CUTC: variants seen among roughly 807,000 people sequenced by gnomAD.
CUTC encodes copper homeostasis protein cutC homolog.
CUTC carries 27 observed loss-of-function variants against 36.2 expected under a neutral mutation model. The observed-to-expected ratio is 0.75, with a 90% CI of 0.55 to 1.03. CUTC has a LOEUF of 1.03. Ranked by LOEUF, CUTC falls within the 50% of genes least tolerant of loss-of-function variation. CUTC has a pLI of 0.00. For missense variants in CUTC, 315 were observed against 343.5 expected, an observed-to-expected ratio of 0.92 and a Z score of 0.66; for synonymous variants, 114 against 118.3, an observed-to-expected ratio of 0.96 and a Z score of 0.24.
At chr10:99,749,037 G>T (rs566075083) in intron 6 of CUTC, among the ~76,000 whole-genome samples, 3 of 152,256 alleles carry the variant, frequency 2.0e-5, no homozygotes, top group African/African-American at 7.2e-5. Flanking sequence ...TCAGTAAGGA[G>T]TAGCAAATAA....
intron 8 of CUTC, 105 bp downstream of exon 8, chr10:99,754,739 G>T: frequency 1.3e-6 from 1 of 742,904 alleles, no homozygotes; most frequent in South Asian, 1.6e-5. Context: ...ATGGAATATT[G>T]TGACTACTAC....
chr10:99,748,582 G>A (rs1011465313), intron 6 of CUTC, among the ~76,000 whole-genome samples: 6 of 152,178 alleles, frequency 3.9e-5, no homozygotes, highest in Admixed American at 2.0e-4. Context: ...TTCTAATAGA[G>A]CAGGCAATTT....
Position 99,743,275 on chromosome 10 carries a change from G to A in CUTC, c.316G>A (p.Ala106Thr). ...IEVMKADIRL[A>T]KLYGADGLVF... ...GGTGATGAAGGCTGACATTCGTCTT[G>A]CCAAGCTTTATGGTGCTGATGGTTT... Residue 106 changes from alanine (A) to threonine (T), a missense_variant, in exon 4 of 9, where the codon GCC becomes ACC. By Grantham distance (58) the Ala-to-Thr change is moderately conservative (BLOSUM62 0). Transcript: ENST00000370476. 6.2e-7 allele frequency: 1 copy of A among 1,614,138 alleles called. No individual in the cohort carries two copies. Among genetic ancestry groups the A allele is most frequent in the Non-Finnish European group, 8.5e-7 (1 of 1,180,036 alleles).
chr10:99,735,187 AAGGT>A (rs2037286771), intron 1 of CUTC, among the ~76,000 whole-genome samples: 2 of 152,000 alleles, frequency 1.3e-5, no homozygotes, highest in East Asian at 1.9e-4. Flanking sequence ...TAAATAATAA[AAGGT>A]AGAAAGTAAT....
At chr10:99,755,380 G>GAAAAAAAAA (rs386372234) in intron 8 of CUTC, among the ~76,000 whole-genome samples, 1 of 122,008 alleles carries the variant, frequency 8.2e-6, no homozygotes. Context: ...ATTTAAAAAG[G>GAAAAAAAAA]AAAAAAAAAA....
intron 2 of CUTC, among the ~76,000 whole-genome samples, chr10:99,738,272 A>G (rs972060241): frequency 3.9e-5 from 6 of 152,156 alleles, no homozygotes; most frequent in East Asian, 1.9e-4. Context: ...ATTGTTTAAG[A>G]TAAGGTCCCT....
chr10:99,750,023 T>G (rs2037405114), intron 6 of CUTC, among the ~76,000 whole-genome samples: 1 of 152,068 alleles, frequency 6.6e-6, no homozygotes, highest in African/African-American at 2.4e-5. Flanking sequence ...TTTTATCACA[T>G]AAGTACATAT....
chr10:99,746,032 A>T (rs1429994104), intron 5 of CUTC, among the ~76,000 whole-genome samples: 1 of 152,198 alleles, frequency 6.6e-6, no homozygotes, highest in African/African-American at 2.4e-5. Flanking sequence ...GTTTCATTCT[A>T]CCTAGTCCAA....
intron 7 of CUTC, among the ~76,000 whole-genome samples, chr10:99,753,455 G>T (rs147425154): frequency 0.014 from 2,073 of 152,170 alleles, 24 homozygotes; most frequent in Middle Eastern, 0.037. Flanking sequence ...TGTCGCCCAG[G>T]CTATGGTGCA....
intron 3 of CUTC, among the ~76,000 whole-genome samples, chr10:99,740,654 A>C (rs540560404): frequency 6.6e-6 from 1 of 152,104 alleles, no homozygotes; most frequent in Non-Finnish European, 1.5e-5. Context: ...ACTTCTCATC[A>C]CATTTGGAAA....
At chr10:99,739,830 T>TGGGGG in intron 3 of CUTC, 61 bp downstream of exon 3, 1 of 1,427,710 alleles carries the variant, frequency 7.0e-7, no homozygotes, top group Non-Finnish European at 9.7e-7. Context: ...AAGCAACTGA[T>TGGGGG]AATCAGTTTC....
chr10:99,743,294 A>G lies in CUTC; in HGVS notation c.335A>G (p.Asp112Gly), dbSNP rs772380984. 5.0e-6 allele frequency: 8 copies of G among 1,614,150 alleles called. No homozygotes were observed. Among genetic ancestry groups the G allele is most frequent in the South Asian group, 2.2e-5 (2 of 91,084 alleles). ...CGTCTTGCCAAGCTTTATGGTGCTG[A>G]TGGTTTGGTTTTTGGGGCATTGACT... Reference protein sequence around the residue: ...DIRLAKLYGADGLVFGALTED... With the variant: ...DIRLAKLYGAGGLVFGALTED... The change falls in exon 4 of 9, where the codon GAT becomes GGT. Residue 112 changes from aspartate (D) to glycine (G), a missense_variant. Transcript: ENST00000370476.
intron 5 of CUTC, 28 bp downstream of exon 5, chr10:99,744,100 A>G (rs768145797): frequency 2.2e-5 from 35 of 1,592,908 alleles, no homozygotes; most frequent in East Asian, 1.8e-4. Flanking sequence ...TAAAAGTTCT[A>G]TTGAACAGTG....
intron 1 of CUTC, among the ~76,000 whole-genome samples, chr10:99,733,875 A>G (rs2037263446): frequency 6.6e-6 from 1 of 151,834 alleles, no homozygotes; most frequent in South Asian, 2.1e-4. Context: ...ACATCTCTCC[A>G]TCTTCTCCTG....
Position 99,755,912 on chromosome 10 carries a change from G to A in CUTC, c.*173G>A. On this transcript the variant is annotated 3_prime_UTR_variant, in exon 9 of 9. Coordinates refer to ENST00000370476, the MANE Select transcript of CUTC (RefSeq NM_015960.3). ...AAGAAGAAAAAGAATTTGAAACAGA[G>A]ATACAGTCACTTCCTTTGCTTAGTC... The A allele has an allele frequency of 1.8e-6, 1 of 550,486 alleles. No homozygotes were observed. The highest frequency in any genetic ancestry group is 3.2e-6 in the Non-Finnish European group (1 of 310,950). 34.1% of individuals were successfully genotyped at this position (550,486 alleles called of 1,614,324 possible).
rs542226530 is a variant in CUTC at position 99,739,881 on chromosome 10, A to T, written c.193+112A>T. 196 of 749,942 alleles carry T rather than the reference A, an allele frequency of 2.6e-4. 1 individual carries two copies. In the South Asian group the frequency reaches 3.4e-3, roughly 13 times the overall value. The allele number at this position is 749,942 out of a possible 1,614,324, so 46.5% of individuals were successfully genotyped here. On this transcript the variant is annotated intron_variant, in intron 3 of 8. Transcript: ENST00000370476. ...TAATGTCATGTTAACTATGTTATGG[A>T]TGTTGTATCAGAAATGTTTATGATT...
chr10:99,737,801 A>G (rs947401186), intron 2 of CUTC, among the ~76,000 whole-genome samples: 1 of 152,170 alleles, frequency 6.6e-6, no homozygotes, highest in Non-Finnish European at 1.5e-5. Context: ...ATTACTTTGA[A>G]GCAAATCCCA....
chr10:99,747,257 C>T lies in CUTC; in HGVS notation c.440C>T (p.Ala147Val). 6.2e-7 allele frequency: 1 copy of T among 1,612,090 alleles called. No individual in the cohort carries two copies. The highest frequency in any genetic ancestry group is 8.5e-7 in the Non-Finnish European group (1 of 1,179,420). Residue 147 changes from alanine to valine, a missense_variant and splice_region_variant, in exon 6 of 9, where the codon GCC (alanine) becomes GTC (valine). Transcript: ENST00000370476. ...CRPLPVTFHR[A>V]FDMVHDPMAA... is the part of the protein sequence containing the mutation. The stretch of plus-strand genomic sequence containing the variant: ...TTCACATCAGTTTTATTTATTTCAG[C>T]CTTTGACATGGTTCATGATCCAATG...
At chr10:99,742,557 G>A (rs1356017356) in intron 3 of CUTC, among the ~76,000 whole-genome samples, 3 of 152,072 alleles carry the variant, frequency 2.0e-5, no homozygotes, top group South Asian at 2.1e-4. Context: ...TTCATACTGG[G>A]TAAACAACTG....
Sources: gnomAD v4.1 joint callset for allele counts (sites outside exome capture counted in the v4.1 genomes callset) on GRCh38, gnomAD v4.1.1 for gene constraint, MANE v1.5 for transcripts, NCBI Gene and HGNC (gene_info 2026-07-23, HGNC 2026-07-21) for gene names.